The following NALCN variants were observed in gnomAD, a reference collection of about 807,000 sequenced individuals.
The protein encoded by NALCN is sodium leak channel, non-selective, also known as sodium leak channel NALCN.
Under a neutral mutation model 225.3 loss-of-function variants are expected in NALCN, and 111 were observed. The ratio of observed to expected loss-of-function variants is 0.49; its 90% CI spans 0.42 to 0.58. NALCN has a LOEUF of 0.58. NALCN is among the 20% of genes least tolerant of loss of function. NALCN has a pLI of 0.00. For synonymous variants in NALCN, 764 were observed against 769.0 expected (o/e 0.99, Z 0.11); for missense variants, 1,378 against 2,202.4 (o/e 0.63, Z 7.49).
chr13:101,094,428 T>G (rs1200519369), intron 28 of NALCN, among the ~76,000 whole-genome samples: 3 of 152,176 alleles, frequency 2.0e-5, no homozygotes, highest in African/African-American at 4.8e-5. Flanking sequence ...CCTGACTACA[T>G]TTACTTCCAT....
Position 101,345,395 on chromosome 13 carries a change from T to C in NALCN, c.670A>G (p.Ile224Val), listed in dbSNP as rs2045687913. 6.2e-7 allele frequency: 1 copy of C among 1,613,578 alleles called. No homozygotes were observed. Among genetic ancestry groups the C allele is most frequent in the Non-Finnish European group, 8.5e-7 (1 of 1,179,696 alleles). The change falls in exon 7 of 44, where the codon ATT (isoleucine) becomes GTT (valine). Residue 224 changes from isoleucine to valine, a missense_variant. Coordinates refer to ENST00000251127, the MANE Select transcript of NALCN (RefSeq NM_052867.4). Reference protein sequence around the residue: ...PGNVTWNSLAIPDTHCSPELE... With the variant: ...PGNVTWNSLAVPDTHCSPELE... ...TCTGGTGAGCAGTGTGTGTCTGGAA[T>C]AGCTAAACTATTCCAGGTTACATTC...
intron 7 of NALCN, among the ~76,000 whole-genome samples, chr13:101,321,152 A>G (rs2044733687): frequency 6.6e-6 from 1 of 152,176 alleles, no homozygotes; most frequent in South Asian, 2.1e-4. Context: ...ACGATTCTGA[A>G]TTCTAGGCCT....
chr13:101,346,054 A>C (rs1333642240), intron 6 of NALCN, among the ~76,000 whole-genome samples: 1 of 69,260 alleles, frequency 1.4e-5, no homozygotes, highest in Non-Finnish European at 2.9e-5. Flanking sequence ...ACCTTGAGAG[A>C]CTTTCTCTCT....
chr13:101,266,972 T>C (rs1439196786), intron 10 of NALCN, among the ~76,000 whole-genome samples: 1 of 152,206 alleles, frequency 6.6e-6, no homozygotes, highest in African/African-American at 2.4e-5. Context: ...GAGACTGCCT[T>C]TCCCATCTGT....
chr13:101,306,426 C>T (rs931547479), intron 7 of NALCN, among the ~76,000 whole-genome samples: 1 of 152,174 alleles, frequency 6.6e-6, no homozygotes, highest in Admixed American at 6.5e-5. Flanking sequence ...GGTTGTTTTA[C>T]CCTCTATGTC....
chr13:101,082,900 A>T lies in NALCN; in HGVS notation c.3691-17T>A, dbSNP rs375249525. 19 of 1,613,846 alleles carry T rather than the reference A, an allele frequency of 1.2e-5. No homozygotes were observed. Among genetic ancestry groups the T allele is most frequent in the Admixed American group, 1.7e-5 (1 of 59,998 alleles). Reference sequence around the variant, plus strand: ...GACGTCCCACTGCAACAGAAACAGCACACGAGTCGTTGCCCACGTCCATCG... The same window carrying T: ...GACGTCCCACTGCAACAGAAACAGCTCACGAGTCGTTGCCCACGTCCATCG... On this transcript the variant is annotated splice_polypyrimidine_tract_variant and intron_variant, in intron 32 of 43. Coordinates refer to ENST00000251127, the MANE Select transcript of NALCN (RefSeq NM_052867.4).
At chr13:101,203,729 C>T (rs374737054) in intron 13 of NALCN, among the ~76,000 whole-genome samples, 4 of 152,164 alleles carry the variant, frequency 2.6e-5, no homozygotes, top group South Asian at 2.1e-4. Flanking sequence ...TAAAGGTCTA[C>T]TATTCTATAA....
At chr13:101,250,887 A>T (rs2042042742) in intron 11 of NALCN, among the ~76,000 whole-genome samples, 1 of 152,030 alleles carries the variant, frequency 6.6e-6, no homozygotes, top group Non-Finnish European at 1.5e-5. Context: ...GAGGAAATTC[A>T]GGGCTGACAG....
intron 42 of NALCN, 62 bp downstream of exon 42, chr13:101,059,755 AT>A (rs2031687355): frequency 1.4e-6 from 2 of 1,481,044 alleles, no homozygotes; most frequent in East Asian, 2.3e-5. Flanking sequence ...CATTTTATTT[AT>A]TTTTATTAAA....
At chr13:101,084,211 T>TA (rs1165201944) in intron 30 of NALCN, among the ~76,000 whole-genome samples, 1 of 152,192 alleles carries the variant, frequency 6.6e-6, no homozygotes, top group Non-Finnish European at 1.5e-5. Flanking sequence ...TGTCTTTCTT[T>TA]AAAAAATGTC....
intron 3 of NALCN, among the ~76,000 whole-genome samples, chr13:101,383,114 T>C (rs578158786): frequency 6.6e-6 from 1 of 152,314 alleles, no homozygotes; most frequent in South Asian, 2.1e-4. Flanking sequence ...TTGTTTTTCA[T>C]GCTGTCCATC....
intron 6 of NALCN, among the ~76,000 whole-genome samples, chr13:101,355,545 A>G (rs543807654): frequency 6.1e-4 from 93 of 152,326 alleles, no homozygotes; most frequent in African/African-American, 2.1e-3. Flanking sequence ...CCAGATTCAT[A>G]AAACAAGTTC....
At chr13:101,331,060 C>T (rs1301694040) in intron 7 of NALCN, among the ~76,000 whole-genome samples, 4 of 152,190 alleles carry the variant, frequency 2.6e-5, no homozygotes, top group Admixed American at 6.5e-5. Flanking sequence ...AAAAGTAACA[C>T]GAGTATCAGT....
intron 6 of NALCN, among the ~76,000 whole-genome samples, chr13:101,361,587 G>C (rs2046253379): frequency 6.6e-6 from 1 of 152,130 alleles, no homozygotes; most frequent in African/African-American, 2.4e-5. Flanking sequence ...GGAGAAATGG[G>C]TCTAGTCTTG....
rs759538091 is a variant in NALCN at position 101,074,672 on chromosome 13, A to C, written c.3955-10T>G. 1 of 1,595,420 alleles carries C rather than the reference A, an allele frequency of 6.3e-7. No homozygotes were observed. Among genetic ancestry groups the C allele is most frequent in the Non-Finnish European group, 8.5e-7 (1 of 1,173,898 alleles). ...GCATCTTTAGCGTTACCTGGGGACC[A>C]GGGGTGGGAAGCGGGGAGACAGAGA... On this transcript the variant is annotated splice_polypyrimidine_tract_variant and intron_variant, in intron 35 of 43. Coordinates refer to ENST00000251127, the MANE Select transcript of NALCN (RefSeq NM_052867.4).
intron 6 of NALCN, 110 bp from the exon 7 acceptor site, chr13:101,345,530 T>G: frequency 3.9e-4 from 422 of 1,087,536 alleles, no homozygotes; most frequent in East Asian, 5.9e-4. Flanking sequence ...CCAAGTGAGG[T>G]TGCTCATGCC....
At chr13:101,335,719 T>G (rs959650178) in intron 7 of NALCN, among the ~76,000 whole-genome samples, 15 of 151,654 alleles carry the variant, frequency 9.9e-5, no homozygotes, top group African/African-American at 2.9e-4. Flanking sequence ...TTTTTTTTTT[T>G]GAAAGCATTA....
At chr13:101,365,214 T>A (rs554607283) in intron 6 of NALCN, among the ~76,000 whole-genome samples, 1 of 152,240 alleles carries the variant, frequency 6.6e-6, no homozygotes, top group South Asian at 2.1e-4. Flanking sequence ...CACCCTCAGG[T>A]AGGCTCCAGT....
chr13:101,108,325 A>G (rs1358624705), intron 20 of NALCN, among the ~76,000 whole-genome samples: 1 of 152,148 alleles, frequency 6.6e-6, no homozygotes, highest in Non-Finnish European at 1.5e-5. Flanking sequence ...TGTGCCAGGC[A>G]CTATTCTAGT....
Sources: gnomAD v4.1 joint callset for allele counts (sites outside exome capture counted in the v4.1 genomes callset) on GRCh38, gnomAD v4.1.1 for gene constraint, MANE v1.5 for transcripts, NCBI Gene and HGNC (gene_info 2026-07-23, HGNC 2026-07-21) for gene names.